The following BORCS5 variants were observed in gnomAD, a reference collection of about 807,000 sequenced individuals.
BORCS5 encodes the protein BLOC-1-related complex subunit 5.
In BORCS5, 17 loss-of-function variants were observed where a neutral mutation model predicts 22.1. That is an observed-to-expected ratio of 0.77 (90% CI 0.53 to 1.15). BORCS5 has a LOEUF of 1.15. Among genes scored for constraint, BORCS5 ranks in the 50% most tolerant of loss-of-function variants. The pLI is 0.00. For missense variants in BORCS5, 247 were observed against 253.2 expected, an observed-to-expected ratio of 0.98 and a Z score of 0.17; for synonymous variants, 117 against 99.8, an observed-to-expected ratio of 1.17 and a Z score of -1.03.
rs994353733 is a variant in BORCS5, at chr12:12,452,379, C to T, written c.361-13167C>T. On this transcript the variant is annotated intron_variant, in intron 3 of 3. Coordinates refer to ENST00000314565, the MANE Select transcript of BORCS5 (RefSeq NM_058169.6). ...TGGAAAATCAAATCCAGTTCACAAACATTTTCAAAACATTTGTCTAATGTT... is the reference window on the plus strand; with the variant it reads ...TGGAAAATCAAATCCAGTTCACAAATATTTTCAAAACATTTGTCTAATGTT... 15 of 613,688 alleles carry T rather than the reference C, an allele frequency of 2.4e-5. No individual in the cohort carries two copies. In the Admixed American group the frequency reaches 2.5e-4, roughly 10 times the overall value. 38.0% of individuals were successfully genotyped at this position (613,688 alleles called of 1,614,324 possible).
intron 2 of BORCS5, among the ~76,000 whole-genome samples, chr12:12,425,852 G>T (rs4763825): frequency 6.6e-6 from 1 of 150,398 alleles, no homozygotes. Flanking sequence ...GGTAGGATAG[G>T]CCAGTCATAC....
In BORCS5 at chr12:12,357,118, A is replaced by T; in HGVS notation, c.-334A>T. ...GGAGCGAGCTTGCGGAGCGTGAACC[A>T]GTGAGTGAAAGCGGCGCCGCCCGCC... On this transcript the variant is annotated 5_prime_UTR_variant, in exon 1 of 4. Transcript: ENST00000314565. The T allele has an allele frequency of 6.5e-7, 1 of 1,534,482 alleles. No homozygotes were observed. Among genetic ancestry groups the T allele is most frequent in the Non-Finnish European group, 8.7e-7 (1 of 1,146,158 alleles).
At chr12:12,404,018 TGATTTATAGA>T (rs1555149362) in intron 2 of BORCS5, among the ~76,000 whole-genome samples, 18 of 152,226 alleles carry the variant, frequency 1.2e-4, no homozygotes, top group Non-Finnish European at 2.6e-4. Context: ...TGAAGGCAAG[TGATTTATAGA>T]TAAGGGCTCA....
At chr12:12,368,058 C>T (rs752336056) in intron 2 of BORCS5, among the ~76,000 whole-genome samples, 37 of 152,288 alleles carry the variant, frequency 2.4e-4, no homozygotes, top group Non-Finnish European at 4.0e-4. Context: ...TCCTTGATAC[C>T]TCTGCCATTT....
chr12:12,445,496 C>CTTTTTTTTTTTTT (rs5796492), intron 3 of BORCS5, among the ~76,000 whole-genome samples: 1 of 45,774 alleles, frequency 2.2e-5, no homozygotes, highest in Non-Finnish European at 3.8e-5. Flanking sequence ...ACATGCATTG[C>CTTTTTTTTTTTTT]TTTTTTTTTT....
At chr12:12,449,821 C>T (rs80190731) in intron 3 of BORCS5, among the ~76,000 whole-genome samples, 1 of 152,126 alleles carries the variant, frequency 6.6e-6, no homozygotes, top group South Asian at 2.1e-4. Flanking sequence ...AGGTGGTACA[C>T]TAATAAGGAG....
intron 3 of BORCS5, among the ~76,000 whole-genome samples, chr12:12,448,048 A>G (rs998887697): frequency 3.3e-5 from 5 of 152,170 alleles, no homozygotes; most frequent in Non-Finnish European, 5.9e-5. Context: ...TATATCAGCT[A>G]TATTTCACGA....
At chr12:12,386,011 T>C (rs1205065896) in intron 2 of BORCS5, among the ~76,000 whole-genome samples, 1 of 151,004 alleles carries the variant, frequency 6.6e-6, no homozygotes, top group Admixed American at 6.6e-5. Context: ...GTGGTTTTTT[T>C]TTTTTTGGAG....
intron 3 of BORCS5, among the ~76,000 whole-genome samples, chr12:12,444,335 TAGC>T (rs1476955784): frequency 6.6e-6 from 1 of 152,216 alleles, no homozygotes; most frequent in Non-Finnish European, 1.5e-5. Flanking sequence ...TGTTTCTGGT[TAGC>T]AGGTGACTCT....
At position 12,435,743 on chromosome 12, in the gene BORCS5, C is replaced by T. The variant is rs781153335; in HGVS notation, c.318C>T (p.Ala106=). ...ATCACCTGCATCAGTGTGCAGAGGC[C>T]GTTGCTTTTGACCAGAATGCTTTGG... ...YQDHLHQCAE[A]VAFDQNALVK... Residue 106 remains alanine (A), a synonymous_variant, in exon 3 of 4, where the codon GCC becomes GCT. Transcript: ENST00000314565. The T allele has an allele frequency of 1.9e-5, 31 of 1,613,844 alleles. No individual in the cohort carries two copies. The East Asian group carries it at 4.0e-4, about 21-fold the overall frequency.
chr12:12,425,799 A>C (rs113193109), intron 2 of BORCS5, among the ~76,000 whole-genome samples: 1 of 152,170 alleles, frequency 6.6e-6, no homozygotes, highest in East Asian at 1.9e-4. Context: ...TATTTCCTAC[A>C]GTGCTAGTAC....
At chr12:12,375,037 C>G (rs1044980344) in intron 2 of BORCS5, among the ~76,000 whole-genome samples, 1 of 151,260 alleles carries the variant, frequency 6.6e-6, no homozygotes, top group African/African-American at 2.4e-5. Flanking sequence ...TTCTTTTGAG[C>G]TGGAGTCTCT....
chr12:12,400,370 A>G (rs750743996), intron 2 of BORCS5, among the ~76,000 whole-genome samples: 31 of 152,138 alleles, frequency 2.0e-4, no homozygotes, highest in Non-Finnish European at 3.7e-4. Context: ...AAGAGTGGGC[A>G]TGGGTTTTCC....
At position 12,378,518 on chromosome 12, in the gene BORCS5, T is replaced by C. The variant is rs1281628189; in HGVS notation, c.202+17169T>C. The stretch of plus-strand genomic sequence containing the variant: ...AATATTATTAAATGAGGAAAAAATA[T>C]TAGAGACATGCTACAAAATAACTAA... On this transcript the variant is annotated intron_variant, in intron 2 of 3. Coordinates refer to ENST00000314565, the MANE Select transcript of BORCS5 (RefSeq NM_058169.6). Among the ~76,000 whole-genome samples, 6 of 152,278 alleles carry C rather than the reference T, an allele frequency of 3.9e-5. No individual in the cohort carries two copies. The East Asian group carries it at 1.2e-3, about 29-fold the overall frequency.
chr12:12,368,104 C>A (rs1297354934), intron 2 of BORCS5, among the ~76,000 whole-genome samples: 1 of 152,208 alleles, frequency 6.6e-6, no homozygotes, highest in Non-Finnish European at 1.5e-5. Flanking sequence ...ATATACATAA[C>A]TTCATCCATA....
intron 2 of BORCS5, among the ~76,000 whole-genome samples, chr12:12,386,630 T>TGCCACCATGCCTG (rs58938227): frequency 4.7e-5 from 7 of 148,894 alleles, no homozygotes; most frequent in African/African-American, 1.7e-4. Flanking sequence ...TACAGGCACG[T>TGCCACCATGCCTG]GCTAGTTTTT....
intron 2 of BORCS5, among the ~76,000 whole-genome samples, chr12:12,398,040 T>G (rs1238511363): frequency 1.3e-5 from 2 of 152,238 alleles, no homozygotes; most frequent in Non-Finnish European, 2.9e-5. Flanking sequence ...TTTGTCTTCC[T>G]GAAGCTGTCT....
chr12:12,469,399 A>T lies in BORCS5; in HGVS notation c.*3623A>T, dbSNP rs1431208487. On this transcript the variant is annotated 3_prime_UTR_variant, in exon 4 of 4. Coordinates refer to ENST00000314565, the MANE Select transcript of BORCS5 (RefSeq NM_058169.6). Reference sequence around the variant, plus strand: ...GGAGAATCTGCTTTTTGAGTAAAAAAGTTTGATTTTATGTATGTGTGCGTC... The same window carrying T: ...GGAGAATCTGCTTTTTGAGTAAAAATGTTTGATTTTATGTATGTGTGCGTC... 1.3e-5 allele frequency: 2 copies of T among 152,210 alleles called. No individual in the cohort carries two copies. Among genetic ancestry groups the T allele is most frequent in the East Asian group, 3.8e-4 (2 of 5,200 alleles). The allele number at this position is 152,210 out of a possible 1,614,324, so 9.4% of individuals were successfully genotyped here.
At chr12:12,365,000 G>A (rs1340243618) in intron 2 of BORCS5, among the ~76,000 whole-genome samples, 1 of 152,198 alleles carries the variant, frequency 6.6e-6, no homozygotes, top group African/African-American at 2.4e-5. Context: ...TGCCCTGAAA[G>A]TGAATAATTA....
Sources: gnomAD v4.1 joint callset for allele counts (sites outside exome capture counted in the v4.1 genomes callset) on GRCh38, gnomAD v4.1.1 for gene constraint, MANE v1.5 for transcripts, NCBI Gene and HGNC (gene_info 2026-07-23, HGNC 2026-07-21) for gene names.